Variants in SLC2A3 observed in about 807,000 individuals in gnomAD.
SLC2A3 encodes the protein solute carrier family 2, facilitated glucose transporter member 3.
Under a neutral mutation model 46.4 loss-of-function variants are expected in SLC2A3, and 21 were observed. That is an observed-to-expected ratio of 0.45 (90% CI 0.32 to 0.65). SLC2A3 has a LOEUF of 0.65. SLC2A3 is among the 30% of genes least tolerant of loss of function. SLC2A3 has a pLI of 0.04. For missense variants in SLC2A3, 499 were observed against 623.3 expected, an observed-to-expected ratio of 0.80 and a Z score of 2.12; for synonymous variants, 213 against 239.4, an observed-to-expected ratio of 0.89 and a Z score of 1.02.
intron 4 of SLC2A3, among the ~76,000 whole-genome samples, chr12:7,930,866 G>A (rs1946146020): frequency 1.4e-5 from 2 of 140,656 alleles, no homozygotes; most frequent in Admixed American, 7.7e-5. Flanking sequence ...GCACAATCTC[G>A]GCTCACTGCA....
In SLC2A3 at chr12:7,925,911, C is replaced by T. The variant is rs768213519; in HGVS notation, c.899G>A (p.Gly300Asp). ...GGTGGCATAGATGGGCTCTTGAACA[C>T]CTGCATCCTTGAAGATTCCTGTTGA... ...YYSTGIFKDA[G>D]VQEPIYATIG... Residue 300 changes from glycine to aspartate, a missense_variant, in exon 7 of 10, where the codon GGT becomes GAT. Gly to Asp is a moderately conservative substitution (Grantham distance 94, BLOSUM62 -1). Coordinates refer to ENST00000075120, the MANE Select transcript of SLC2A3 (RefSeq NM_006931.3). 6.2e-7 allele frequency: 1 copy of T among 1,613,786 alleles called. No homozygotes were observed. Among genetic ancestry groups the T allele is most frequent in the South Asian group, 1.1e-5 (1 of 91,074 alleles).
At chr12:7,925,789 C>A in intron 7 of SLC2A3, 55 bp downstream of exon 7, 2 of 1,344,568 alleles carry the variant, frequency 1.5e-6, no homozygotes, top group Non-Finnish European at 2.1e-6. Flanking sequence ...CATCTTTGAA[C>A]ATCTGTAGCA....
At chr12:7,930,182 TC>T in intron 5 of SLC2A3, 1 of 532,242 alleles carries the variant, frequency 1.9e-6, no homozygotes, top group Non-Finnish European at 3.1e-6. Context: ...ACAGGGTTTC[TC>T]CATGTTGTTT....
intron 3 of SLC2A3, 73 bp downstream of exon 3, chr12:7,932,914 T>C: frequency 6.3e-7 from 1 of 1,576,358 alleles, no homozygotes; most frequent in East Asian, 2.2e-5. Context: ...ATCACCTCCC[T>C]GCCCTAACTC....
chr12:7,927,842 A>G (rs1431922978), intron 6 of SLC2A3, among the ~76,000 whole-genome samples: 1 of 152,066 alleles, frequency 6.6e-6, no homozygotes, highest in Non-Finnish European at 1.5e-5. Flanking sequence ...ACTTTAGGAG[A>G]GAGAGCTGAG....
At chr12:7,925,538 A>C (rs1946086511) in intron 7 of SLC2A3, 1 of 241,120 alleles carries the variant, frequency 4.1e-6, no homozygotes, top group African/African-American at 2.2e-5. Context: ...ACTTCTGTTG[A>C]TTATTGTTGT....
intron 7 of SLC2A3, 113 bp downstream of exon 7, chr12:7,925,731 A>C (rs767238926): frequency 1.5e-5 from 13 of 842,716 alleles, no homozygotes; most frequent in Non-Finnish European, 2.3e-5. Context: ...TCCCAAAGGA[A>C]AATTAAGCAA....
intron 8 of SLC2A3, 97 bp from the exon 9 acceptor site, chr12:7,923,121 T>A: frequency 3.5e-6 from 4 of 1,131,860 alleles, no homozygotes; most frequent in Non-Finnish European, 3.7e-6. Flanking sequence ...CTCCTGTCCC[T>A]GACGTACAAT....
chr12:7,922,751 C>T (rs1946051153), intron 9 of SLC2A3, 70 bp downstream of exon 9: 1 of 1,597,512 alleles, frequency 6.3e-7, no homozygotes, highest in Non-Finnish European at 8.6e-7. Flanking sequence ...GCCCAGACTA[C>T]TGTATTATTA....
chr12:7,919,426 AT>A lies in SLC2A3; in HGVS notation c.*1986del, dbSNP rs138345021. 2.6e-3 allele frequency: 384 copies of A among 146,078 alleles called. No individual in the cohort carries two copies. The highest frequency in any genetic ancestry group is 2.1e-3 in the African/African-American group (85 of 40,182). 9.0% of individuals were successfully genotyped at this position (146,078 alleles called of 1,614,324 possible). A position where few individuals can be genotyped will look rare whatever the true frequency, so the allele number is the denominator to read the frequency against. On this transcript the variant is annotated 3_prime_UTR_variant, in exon 10 of 10. Transcript: ENST00000075120. ...TAAAGCACACTTGATAGCTATGTGCATTTTTTTTTTTTTGAGACGGAGTCTC... is the reference window on the plus strand; with the variant it reads ...TAAAGCACACTTGATAGCTATGTGCATTTTTTTTTTTTGAGACGGAGTCTC...
At chr12:7,923,254 G>C (rs1161872811) in intron 8 of SLC2A3, 1 of 463,780 alleles carries the variant, frequency 2.2e-6, no homozygotes, top group Non-Finnish European at 3.8e-6. Flanking sequence ...CTGCATCATC[G>C]ATCTCCTGGG....
At position 7,926,052 on chromosome 12, in the gene SLC2A3, T is replaced by C. The variant is rs1014744815; in HGVS notation, c.862-104A>G. 16 of 941,300 alleles carry C rather than the reference T, an allele frequency of 1.7e-5. No homozygotes were observed. The Admixed American group carries it at 2.4e-4, about 14-fold the overall frequency. The allele number at this position is 941,300 out of a possible 1,614,324, so 58.3% of individuals were successfully genotyped here. ...GTCCCAGTGGGTAAGAAGTCCTTTTTCTAGGTTTTCGTTCAATACTAATAT... is the reference window on the plus strand; with the variant it reads ...GTCCCAGTGGGTAAGAAGTCCTTTTCCTAGGTTTTCGTTCAATACTAATAT... On this transcript the variant is annotated intron_variant, in intron 6 of 9. Coordinates refer to ENST00000075120, the MANE Select transcript of SLC2A3 (RefSeq NM_006931.3).
chr12:7,928,751 T>C (rs1946121357), intron 6 of SLC2A3, among the ~76,000 whole-genome samples: 1 of 152,018 alleles, frequency 6.6e-6, no homozygotes, highest in African/African-American at 2.4e-5. Context: ...CATTATCATT[T>C]CCAAATGAAG....
rs144699146 is a variant in SLC2A3 at position 7,933,931 on chromosome 12, T to C, written c.16-29A>G. ...GAGGGAGGGAAGACAGAGGAGAGAA[T>C]AGTCCTTAAAACTTGTGATTGATGA... On this transcript the variant is annotated intron_variant, in intron 1 of 9. Coordinates refer to ENST00000075120, the MANE Select transcript of SLC2A3 (RefSeq NM_006931.3). 464 of 1,597,946 alleles carry C rather than the reference T, an allele frequency of 2.9e-4. 4 individuals carry two copies. In the African/African-American group the frequency reaches 5.4e-3, roughly 19 times the overall value.
intron 8 of SLC2A3, among the ~76,000 whole-genome samples, chr12:7,923,734 A>C (rs1383615716): frequency 1.3e-5 from 2 of 151,272 alleles, no homozygotes; most frequent in African/African-American, 4.9e-5. Context: ...TGTTGTGATG[A>C]CAGGCATGAA....
At chr12:7,926,764 G>A (rs1946099672) in intron 6 of SLC2A3, among the ~76,000 whole-genome samples, 1 of 152,134 alleles carries the variant, frequency 6.6e-6, no homozygotes, top group African/African-American at 2.4e-5. Flanking sequence ...ACCTTATCCT[G>A]CTCATTGAAT....
At chr12:7,925,160 G>A (rs1466961733) in intron 7 of SLC2A3, among the ~76,000 whole-genome samples, 2 of 152,176 alleles carry the variant, frequency 1.3e-5, no homozygotes, top group East Asian at 1.9e-4. Flanking sequence ...ACCTCGCCCC[G>A]TGAATCTCTT....
chr12:7,935,908 A>T, intron 1 of SLC2A3, 112 bp downstream of exon 1: 1 of 915,360 alleles, frequency 1.1e-6, no homozygotes, highest in Non-Finnish European at 1.8e-6. Context: ...AAAAGGCCTT[A>T]AGATAGCTTG....
At chr12:7,922,391 T>C (rs1299447359) in intron 9 of SLC2A3, among the ~76,000 whole-genome samples, 1 of 152,096 alleles carries the variant, frequency 6.6e-6, no homozygotes, top group Non-Finnish European at 1.5e-5. Flanking sequence ...GAATTATTTA[T>C]TTCTGCAATT....
Sources: allele counts gnomAD v4.1 joint callset (sites outside exome capture counted in the v4.1 genomes callset), GRCh38; gene constraint gnomAD v4.1.1; transcripts MANE v1.5; gene names NCBI Gene and HGNC (gene_info 2026-07-23, HGNC 2026-07-21).